Variants in PSMB7 observed in about 807,000 individuals in gnomAD.
PSMB7 encodes proteasome subunit beta type-7.
A neutral mutation model predicts 28.1 loss-of-function variants in PSMB7; 5 were observed. That is an observed-to-expected ratio of 0.18 (90% CI 0.09 to 0.37). The LOEUF (loss-of-function observed/expected upper bound fraction) is 0.37. Ranked by LOEUF, PSMB7 falls within the 10% of genes least tolerant of loss-of-function variation. The pLI is 1.00. For synonymous variants in PSMB7, 122 were observed against 123.7 expected (o/e 0.99, Z 0.09); for missense variants, 275 against 346.2 (o/e 0.79, Z 1.63).
chr9:124,370,645 G>A (rs544617216), intron 6 of PSMB7, among the ~76,000 whole-genome samples: 1 of 152,112 alleles, frequency 6.6e-6, no homozygotes, highest in African/African-American at 2.4e-5. Context: ...TAGATCACAA[G>A]GTAAAAACAG....
rs542668881 is a variant in PSMB7, at chr9:124,360,854, T to C, written c.571-3939A>G. On this transcript the variant is annotated intron_variant, in intron 6 of 7. Coordinates refer to ENST00000259457, the MANE Select transcript of PSMB7 (RefSeq NM_002799.4). ...CAACTTCATAAGATTACTAACAAAT[T>C]AGAAATAAAGGTACAGAAAGCACCT... is the stretch of plus-strand genomic sequence containing the variant. 2.6e-5 allele frequency among the ~76,000 whole-genome samples: 4 copies of C among 152,276 alleles called. No homozygotes were observed. In the South Asian group the frequency reaches 8.3e-4, roughly 32 times the overall value.
intron 6 of PSMB7, among the ~76,000 whole-genome samples, chr9:124,361,121 G>C (rs908869434): frequency 1.3e-5 from 2 of 152,110 alleles, no homozygotes; most frequent in African/African-American, 4.8e-5. Context: ...AAATATAAAA[G>C]GAACACTTCT....
intron 2 of PSMB7, 77 bp downstream of exon 2, chr9:124,414,765 G>C: frequency 8.0e-7 from 1 of 1,246,334 alleles, no homozygotes; most frequent in Non-Finnish European, 1.2e-6. Context: ...ACCGAGCCGG[G>C]AGAGACACCG....
At chr9:124,381,545 G>C (rs1225013930) in intron 6 of PSMB7, among the ~76,000 whole-genome samples, 1 of 152,218 alleles carries the variant, frequency 6.6e-6, no homozygotes, top group Non-Finnish European at 1.5e-5. Context: ...AGCAGGCTTA[G>C]TCACCCAATT....
chr9:124,363,889 C>T (rs1278197625), intron 6 of PSMB7, among the ~76,000 whole-genome samples: 10 of 152,102 alleles, frequency 6.6e-5, no homozygotes, highest in South Asian at 2.1e-4. Context: ...GAGATGTCAG[C>T]GGCTGCACGG....
chr9:124,405,428 G>C lies in PSMB7; in HGVS notation c.400C>G (p.Gln134Glu). The change falls in exon 5 of 8, where the codon CAA becomes GAA. Residue 134 changes from glutamine (Q) to glutamate (E), a missense_variant. Coordinates refer to ENST00000259457, the MANE Select transcript of PSMB7 (RefSeq NM_002799.4). Reference sequence around the variant, plus strand: ...ACTAGGGCTGCACCAATGTAACCTTGATACCTGGTGATCAGAGTATGCATA... The same window carrying C: ...ACTAGGGCTGCACCAATGTAACCTTCATACCTGGTGATCAGAGTATGCATA... Reference protein sequence around the residue: ...RMLKQMLFRYQGYIGAALVLG... With the variant: ...RMLKQMLFRYEGYIGAALVLG... 6.3e-7 allele frequency: 1 copy of C among 1,594,490 alleles called. No homozygotes were observed. Among genetic ancestry groups the C allele is most frequent in the Non-Finnish European group, 8.6e-7 (1 of 1,162,288 alleles).
intron 5 of PSMB7, among the ~76,000 whole-genome samples, chr9:124,386,633 G>A (rs1318121780): frequency 6.6e-6 from 1 of 152,024 alleles, no homozygotes; most frequent in Admixed American, 6.5e-5. Flanking sequence ...AGAACACAAG[G>A]GTAATCAACC....
intron 4 of PSMB7, among the ~76,000 whole-genome samples, chr9:124,407,473 C>T (rs1393494744): frequency 1.3e-5 from 2 of 152,144 alleles, no homozygotes; most frequent in African/African-American, 2.4e-5. Flanking sequence ...GGAAGAGAAG[C>T]CACAATCGCC....
intron 6 of PSMB7, among the ~76,000 whole-genome samples, chr9:124,366,581 C>T (rs1830510771): frequency 6.6e-5 from 10 of 152,144 alleles, no homozygotes; most frequent in Admixed American, 5.9e-4. Flanking sequence ...TTTAGTGTAG[C>T]CTAAGTGTCC....
At chr9:124,361,173 T>C (rs1224359262) in intron 6 of PSMB7, among the ~76,000 whole-genome samples, 1 of 152,082 alleles carries the variant, frequency 6.6e-6, no homozygotes, top group Non-Finnish European at 1.5e-5. Context: ...GGAATATCAG[T>C]CCCCCGGGCC....
chr9:124,371,134 C>T (rs1830558468), intron 6 of PSMB7, among the ~76,000 whole-genome samples: 1 of 152,232 alleles, frequency 6.6e-6, no homozygotes, highest in Admixed American at 6.5e-5. Flanking sequence ...CGCAGAGACA[C>T]TTTCAATTTG....
intron 4 of PSMB7, among the ~76,000 whole-genome samples, chr9:124,409,854 A>G (rs746376637): frequency 2.0e-5 from 3 of 152,216 alleles, no homozygotes; most frequent in Admixed American, 6.5e-5. Context: ...TACCACTCTC[A>G]TTTTATGTAA....
intron 5 of PSMB7, among the ~76,000 whole-genome samples, chr9:124,397,462 A>C (rs1477540560): frequency 2.0e-5 from 3 of 152,184 alleles, no homozygotes; most frequent in Non-Finnish European, 4.4e-5. Context: ...CCTCAAGTTA[A>C]AGATGCGCAA....
chr9:124,366,585 A>G (rs751456085), intron 6 of PSMB7, among the ~76,000 whole-genome samples: 1 of 152,244 alleles, frequency 6.6e-6, no homozygotes, highest in Non-Finnish European at 1.5e-5. Flanking sequence ...GTGTAGCCTA[A>G]GTGTCCAGTG....
intron 6 of PSMB7, among the ~76,000 whole-genome samples, chr9:124,358,145 G>GA (rs1469619536): frequency 1.3e-5 from 2 of 152,222 alleles, no homozygotes; most frequent in Non-Finnish European, 2.9e-5. Context: ...CACCCTTGGA[G>GA]AAACACGGAC....
chr9:124,363,475 A>G (rs1564675848), intron 6 of PSMB7, among the ~76,000 whole-genome samples: 1 of 152,222 alleles, frequency 6.6e-6, no homozygotes, highest in East Asian at 1.9e-4. Context: ...CACATATTTT[A>G]CGGTAGAAAA....
chr9:124,393,380 A>T (rs1259403989), intron 5 of PSMB7, among the ~76,000 whole-genome samples: 3 of 152,224 alleles, frequency 2.0e-5, no homozygotes, highest in African/African-American at 7.2e-5. Flanking sequence ...TAAACAGTTT[A>T]ATTTGATGTT....
intron 5 of PSMB7, among the ~76,000 whole-genome samples, chr9:124,388,799 C>A (rs1830753556): frequency 6.6e-6 from 1 of 152,140 alleles, no homozygotes; most frequent in South Asian, 2.1e-4. Flanking sequence ...ACATGGCAGT[C>A]CACAGAACTC....
intron 6 of PSMB7, among the ~76,000 whole-genome samples, chr9:124,365,240 A>G (rs980070451): frequency 6.6e-6 from 1 of 152,140 alleles, no homozygotes; most frequent in Non-Finnish European, 1.5e-5. Context: ...AAGGGGAAAC[A>G]AGGAGATAAT....
Sources: gnomAD v4.1 joint callset for allele counts (sites outside exome capture counted in the v4.1 genomes callset) on GRCh38, gnomAD v4.1.1 for gene constraint, MANE v1.5 for transcripts, NCBI Gene and HGNC (gene_info 2026-07-23, HGNC 2026-07-21) for gene names.